Variants in ACSM1 observed in about 807,000 individuals in gnomAD.
ACSM1 encodes the protein acyl-CoA synthetase medium chain family member 1, also known as acyl-coenzyme A synthetase ACSM1, mitochondrial.
A neutral mutation model predicts 75.8 loss-of-function variants in ACSM1; 79 were observed. That is an observed-to-expected ratio of 1.04 (90% confidence interval 0.87 to 1.26). The LOEUF (loss-of-function observed/expected upper bound fraction) is 1.26. Ranked by LOEUF, ACSM1 falls within the 50% of genes most tolerant of loss-of-function variation. The pLI, the probability that ACSM1 is intolerant of heterozygous loss-of-function variation, is 0.00. For synonymous variants in ACSM1, 279 were observed against 265.8 expected, an observed-to-expected ratio of 1.05 and a Z score of -0.48; for missense variants, 676 against 720.1, an observed-to-expected ratio of 0.94 and a Z score of 0.70.
chr16:20,669,471 CACACACACACA>C (rs2019764003), intron 6 of ACSM1, among the ~76,000 whole-genome samples: 3 of 151,538 alleles, frequency 2.0e-5, no homozygotes, highest in Non-Finnish European at 4.4e-5. Flanking sequence ...CACACACACA[CACACACACACA>C]CCCCAGCTGC....
intron 10 of ACSM1, 33 bp downstream of exon 10, chr16:20,636,706 G>T: frequency 3.3e-6 from 5 of 1,528,412 alleles, no homozygotes; most frequent in Non-Finnish European, 4.5e-6. Flanking sequence ...GGGATCCTTG[G>T]GGCCAGGATG....
In ACSM1 at chr16:20,691,118, G is replaced by C; in HGVS notation, c.71C>G (p.Pro24Arg). Residue 24 changes from proline (P) to arginine (R), a missense_variant, in exon 2 of 14, where the codon CCT becomes CGT. Transcript: ENST00000520010. ...TAAAGACCGGCAGCGCAGCTGTGAAGGGGCAGGGTGGATGTTGTGGAAGGA... is the reference window on the plus strand; with the variant it reads ...TAAAGACCGGCAGCGCAGCTGTGAACGGGCAGGGTGGATGTTGTGGAAGGA... ...HKSFHNIHPA[P>R]SQLRCRSLSE... The C allele has an allele frequency of 6.2e-7, 1 of 1,613,576 alleles. No individual in the cohort carries two copies. The highest frequency in any genetic ancestry group is 8.5e-7 in the Non-Finnish European group (1 of 1,179,712).
In ACSM1 at chr16:20,655,343, C is replaced by T. The variant is rs574235642; in HGVS notation, c.992+6451G>A. ...AGCACAGCAACATGGCACATGTATA[C>T]ATATGTAACAAACCTGTACGTTGTG... On this transcript the variant is annotated intron_variant, in intron 7 of 13. Coordinates refer to ENST00000520010, the MANE Select transcript of ACSM1 (RefSeq NM_001318890.3). Among the ~76,000 whole-genome samples the T allele has an allele frequency of 1.7e-4, 26 of 151,704 alleles. No individual in the cohort carries two copies. In the South Asian group the frequency reaches 4.6e-3, roughly 27 times the overall value.
At chr16:20,654,415 T>C (rs1050318049) in intron 7 of ACSM1, among the ~76,000 whole-genome samples, 1 of 152,168 alleles carries the variant, frequency 6.6e-6, no homozygotes, top group Non-Finnish European at 1.5e-5. Flanking sequence ...CTATTTAAAC[T>C]AAAGAGCTTC....
intron 7 of ACSM1, among the ~76,000 whole-genome samples, chr16:20,641,169 C>G (rs2018036239): frequency 6.6e-6 from 1 of 152,128 alleles, no homozygotes; most frequent in Non-Finnish European, 1.5e-5. Flanking sequence ...TCAGAGAAAA[C>G]AGAAAAGGCT....
At chr16:20,643,513 T>G (rs2018186485) in intron 7 of ACSM1, among the ~76,000 whole-genome samples, 1 of 152,358 alleles carries the variant, frequency 6.6e-6, no homozygotes, top group Admixed American at 6.5e-5. Flanking sequence ...GTTCATGGTC[T>G]CACTGACTTC....
intron 1 of ACSM1, among the ~76,000 whole-genome samples, chr16:20,692,097 T>C (rs528980886): frequency 9.8e-5 from 15 of 152,312 alleles, no homozygotes; most frequent in African/African-American, 2.2e-4. Context: ...CTTGAGACTA[T>C]AAAGATACTG....
At chr16:20,687,284 A>G (rs1407324003) in intron 2 of ACSM1, among the ~76,000 whole-genome samples, 1 of 152,178 alleles carries the variant, frequency 6.6e-6, no homozygotes, top group Non-Finnish European at 1.5e-5. Context: ...AAAGAGAAAT[A>G]CAATAAAACA....
rs150786519 is a variant in ACSM1 at position 20,671,600 on chromosome 16, C to T, written c.683G>A (p.Gly228Glu). 5.6e-6 allele frequency: 9 copies of T among 1,613,740 alleles called. No homozygotes were observed. In the African/African-American group the frequency reaches 9.3e-5, roughly 17 times the overall value. ...LDPMVIFFTS[G>E]TTGFPKMAKH... is the part of the protein sequence containing the mutation. Reference sequence around the variant, plus strand: ...TGCCATCTTGGGGAAGCCTGTGGTCCCACTGGTGAAGAAGATGACCATTGG... The same window carrying T: ...TGCCATCTTGGGGAAGCCTGTGGTCTCACTGGTGAAGAAGATGACCATTGG... Residue 228 changes from glycine to glutamate, a missense_variant, in exon 5 of 14, where the codon GGG becomes GAG. By Grantham distance (98) the Gly-to-Glu change is moderately conservative. Transcript: ENST00000520010.
intron 4 of ACSM1, among the ~76,000 whole-genome samples, chr16:20,672,954 A>C (rs2020047939): frequency 7.1e-6 from 1 of 140,416 alleles, no homozygotes; most frequent in Non-Finnish European, 1.5e-5. Flanking sequence ...TTTATATATT[A>C]TATCTCATAT....
At chr16:20,633,687 A>G (rs565677208) in intron 10 of ACSM1, among the ~76,000 whole-genome samples, 1 of 152,312 alleles carries the variant, frequency 6.6e-6, no homozygotes, top group East Asian at 1.9e-4. Context: ...CTATCCTAAA[A>G]TGCATATAGA....
At chr16:20,688,479 C>A (rs969183014) in intron 2 of ACSM1, among the ~76,000 whole-genome samples, 1 of 151,964 alleles carries the variant, frequency 6.6e-6, no homozygotes, top group Admixed American at 6.6e-5. Flanking sequence ...TAGAATAAAT[C>A]CAAGGAGGAC....
In ACSM1 at chr16:20,636,741, C is replaced by G. The variant is rs1312215093; in HGVS notation, c.1297G>C (p.Glu433Gln). ...GGGGGCAGATGGGGGGTCATTACCT[C>G]ATAGCACATGAAGAGGCTCACAGGC... ...VRPVSLFMCY[E>Q]GDPEKTAKVE... Residue 433 changes from glutamate (E) to glutamine (Q), a missense_variant and splice_region_variant, in exon 10 of 14, where the codon GAG becomes CAG. Glu to Gln is a conservative substitution (Grantham distance 29). Transcript: ENST00000520010. 1 of 1,613,538 alleles carries G rather than the reference C, an allele frequency of 6.2e-7. No individual in the cohort carries two copies. The highest frequency in any genetic ancestry group is 8.5e-7 in the Non-Finnish European group (1 of 1,179,466).
Position 20,636,832 on chromosome 16 carries a change from A to G in ACSM1, c.1206T>C (p.Asp402=). Residue 402 remains aspartate, a synonymous_variant, in exon 10 of 14, where the codon GAT becomes GAC. Transcript: ENST00000520010. ...ATPPYDVQVI[D]DKGSILPPNT... ...TAGGTGGCAGGATGCTGCCCTTGTC[A>G]TCAATGACCTGTAGCAAGAGGCCTG... The G allele has an allele frequency of 6.2e-7, 1 of 1,613,688 alleles. No individual in the cohort carries two copies. Among genetic ancestry groups the G allele is most frequent in the Non-Finnish European group, 8.5e-7 (1 of 1,179,858 alleles).
At chr16:20,666,635 TC>T (rs2019580016) in intron 6 of ACSM1, among the ~76,000 whole-genome samples, 1 of 152,070 alleles carries the variant, frequency 6.6e-6, no homozygotes, top group Admixed American at 6.6e-5. Flanking sequence ...ACTTTAAAAC[TC>T]ATATAGTACC....
chr16:20,684,410 A>T (rs1173811209), intron 3 of ACSM1, among the ~76,000 whole-genome samples: 2 of 152,224 alleles, frequency 1.3e-5, no homozygotes, highest in Non-Finnish European at 2.9e-5. Flanking sequence ...ACCTTGCTTA[A>T]GTGATAAAAC....
intron 1 of ACSM1, among the ~76,000 whole-genome samples, chr16:20,693,182 A>AG (rs2079671528): frequency 6.6e-6 from 1 of 152,122 alleles, no homozygotes; most frequent in Admixed American, 6.5e-5. Context: ...AAAAAAAAAA[A>AG]AAAATTCAGA....
intron 7 of ACSM1, among the ~76,000 whole-genome samples, chr16:20,642,903 G>T (rs1209481927): frequency 6.6e-6 from 1 of 152,066 alleles, no homozygotes; most frequent in Non-Finnish European, 1.5e-5. Context: ...TTAAAACCAG[G>T]GTAAATTTAA....
intron 13 of ACSM1, 101 bp downstream of exon 13, chr16:20,623,995 C>G: frequency 1.3e-6 from 2 of 1,529,052 alleles, no homozygotes; most frequent in East Asian, 4.7e-5. Context: ...TGTTGTAAAC[C>G]TCCATTGTTT....
Sources: gnomAD v4.1 joint callset for allele counts (sites outside exome capture counted in the v4.1 genomes callset) on GRCh38, gnomAD v4.1.1 for gene constraint, MANE v1.5 for transcripts, NCBI Gene and HGNC (gene_info 2026-07-23, HGNC 2026-07-21) for gene names.